Variants in SMIM7 observed in about 807,000 individuals in gnomAD.
SMIM7 encodes small integral membrane protein 7, also known as UPF0608 protein C19orf42.
In SMIM7, 12 loss-of-function variants were observed where a neutral mutation model predicts 13.3. The ratio of observed to expected loss-of-function variants is 0.90; its 90% CI spans 0.58 to 1.46. The LOEUF is 1.46. Among genes scored for constraint, SMIM7 ranks in the 40% most tolerant of loss-of-function variants. SMIM7 has a pLI of 0.00. For missense variants in SMIM7, 114 were observed against 94.8 expected (o/e 1.20, Z -0.84); for synonymous variants, 36 against 35.8 (o/e 1.01, Z -0.02).
chr19:16,654,654 T>C (rs921409600), intron 3 of SMIM7, among the ~76,000 whole-genome samples: 2 of 151,916 alleles, frequency 1.3e-5, no homozygotes, highest in South Asian at 2.1e-4. Flanking sequence ...AGTGTTGAGA[T>C]TACAGGCATG....
intron 3 of SMIM7, among the ~76,000 whole-genome samples, chr19:16,656,491 T>C (rs1395424992): frequency 6.6e-6 from 1 of 151,694 alleles, no homozygotes; most frequent in East Asian, 1.9e-4. Context: ...GGAGGAGAAA[T>C]ACTAAACAAA....
intron 4 of SMIM7, chr19:16,635,154 G>C (rs1001172792): frequency 2.0e-5 from 3 of 151,502 alleles, no homozygotes; most frequent in African/African-American, 7.3e-5. Flanking sequence ...TTGAGGCCAG[G>C]AGTTTGAGAC....
chr19:16,647,048 G>A lies in SMIM7; in HGVS notation c.*198C>T, dbSNP rs2086457492. ...ACAGCATTTCAATTCAGAGACCAAA[G>A]TGAAACTATCTTTGAAAACAGGGAC... On this transcript the variant is annotated 3_prime_UTR_variant, in exon 5 of 5. Coordinates refer to ENST00000487416, the MANE Select transcript of SMIM7 (RefSeq NM_024104.4). 2 of 664,688 alleles carry A rather than the reference G, an allele frequency of 3.0e-6. No homozygotes were observed. 41.2% of individuals were successfully genotyped at this position (664,688 alleles called of 1,614,324 possible). A position where few individuals can be genotyped will look rare whatever the true frequency, so the allele number is the denominator to read the frequency against.
intron 4 of SMIM7, chr19:16,652,834 ACAC>A: frequency 6.5e-7 from 1 of 1,549,768 alleles, no homozygotes; most frequent in Non-Finnish European, 8.7e-7. Context: ...GAGGCCAAGA[ACAC>A]CAGATTCTCC....
chr19:16,633,797 T>A, intron 4 of SMIM7: 1 of 152,194 alleles, frequency 6.6e-6, no homozygotes, highest in Non-Finnish European at 1.5e-5. Context: ...ATAAACTATA[T>A]ACATTGTGAT....
intron 4 of SMIM7, among the ~76,000 whole-genome samples, chr19:16,639,519 G>A (rs1325622923): frequency 6.6e-6 from 1 of 152,158 alleles, no homozygotes; most frequent in Non-Finnish European, 1.5e-5. Flanking sequence ...CAGGCTGAAT[G>A]GTTTCTGTTG....
intron 3 of SMIM7, among the ~76,000 whole-genome samples, chr19:16,657,868 C>CA (rs1244395064): frequency 1.3e-5 from 2 of 151,950 alleles, no homozygotes; most frequent in Non-Finnish European, 2.9e-5. Context: ...CCTATCTCTA[C>CA]AAAAAACATT....
At chr19:16,640,346 CTTCTTT>C (rs778550768) in intron 4 of SMIM7, 9 of 152,068 alleles carry the variant, frequency 5.9e-5, no homozygotes, top group Non-Finnish European at 1.2e-4. Context: ...CCTTTTTATC[CTTCTTT>C]TTCTTTTTAT....
At chr19:16,651,635 G>A (rs2086526482) in intron 4 of SMIM7, among the ~76,000 whole-genome samples, 1 of 152,228 alleles carries the variant, frequency 6.6e-6, no homozygotes, top group Non-Finnish European at 1.5e-5. Flanking sequence ...CAGGTGCACA[G>A]GAAAGACGAG....
intron 4 of SMIM7, chr19:16,652,717 G>A: frequency 6.9e-7 from 1 of 1,438,950 alleles, no homozygotes; most frequent in Non-Finnish European, 9.1e-7. Context: ...CCACTGGGGT[G>A]GCACGCAGAC....
Position 16,646,938 on chromosome 19 carries a change from G to A in SMIM7, c.*308C>T, listed in dbSNP as rs2086456165. The A allele has an allele frequency of 2.2e-6, 1 of 465,052 alleles. No homozygotes were observed. The highest frequency in any genetic ancestry group is 2.0e-5 in the African/African-American group (1 of 50,764). 28.8% of individuals were successfully genotyped at this position (465,052 alleles called of 1,614,324 possible). A position where few individuals can be genotyped will look rare whatever the true frequency, so the allele number is the denominator to read the frequency against. Reference sequence around the variant, plus strand: ...GCCAATCCTTCTGCTCAGATCTCTGGATAGAAATGATTTTTCTTTTATCTA... The same window carrying A: ...GCCAATCCTTCTGCTCAGATCTCTGAATAGAAATGATTTTTCTTTTATCTA... On this transcript the variant is annotated 3_prime_UTR_variant, in exon 5 of 5. Transcript: ENST00000487416.
chr19:16,649,569 T>G (rs375951045), intron 4 of SMIM7, among the ~76,000 whole-genome samples: 3 of 151,850 alleles, frequency 2.0e-5, no homozygotes, highest in East Asian at 3.9e-4. Context: ...CGAGACTCTG[T>G]CTCCAAAAAA....
chr19:16,635,592 AAG>A (rs1293646616), intron 4 of SMIM7, among the ~76,000 whole-genome samples: 1 of 151,994 alleles, frequency 6.6e-6, no homozygotes, highest in Non-Finnish European at 1.5e-5. Context: ...AGGCAACATC[AAG>A]AGAGTAGCCA....
intron 4 of SMIM7, 103 bp from the exon 5 acceptor site, chr19:16,647,364 G>T: frequency 7.5e-7 from 1 of 1,335,386 alleles, no homozygotes; most frequent in South Asian, 1.2e-5. Context: ...TTACTTAGAT[G>T]ATTTTACATG....
At chr19:16,649,903 A>C (rs763731475) in intron 4 of SMIM7, among the ~76,000 whole-genome samples, 1 of 152,138 alleles carries the variant, frequency 6.6e-6, no homozygotes, top group African/African-American at 2.4e-5. Context: ...CCATTTATAT[A>C]AACTGTCCAC....
downstream of SMIM7, among the ~76,000 whole-genome samples, chr19:16,644,109 A>C (rs1290505498): frequency 7.0e-6 from 1 of 143,080 alleles, no homozygotes; most frequent in Non-Finnish European, 1.5e-5. Context: ...CAGGCTGGAA[A>C]TTGTTTGCGT....
intron 3 of SMIM7, 91 bp downstream of exon 3, chr19:16,659,304 A>T: frequency 2.5e-5 from 25 of 1,003,560 alleles, no homozygotes; most frequent in Non-Finnish European, 3.5e-5. Flanking sequence ...AAAAAAAAAA[A>T]GAGAAAGAAA....
chr19:16,658,759 G>A (rs1230231783), intron 3 of SMIM7, among the ~76,000 whole-genome samples: 2 of 152,090 alleles, frequency 1.3e-5, no homozygotes, highest in Non-Finnish European at 2.9e-5. Context: ...ATCGGAGGAC[G>A]GGTACGGCAA....
intron 3 of SMIM7, among the ~76,000 whole-genome samples, chr19:16,657,402 A>G (rs2086609935): frequency 6.6e-6 from 1 of 152,204 alleles, no homozygotes; most frequent in South Asian, 2.1e-4. Context: ...AGGGCCTGGT[A>G]GTGCCTTCCA....
Sources: allele counts gnomAD v4.1 joint callset (sites outside exome capture counted in the v4.1 genomes callset), GRCh38; gene constraint gnomAD v4.1.1; transcripts MANE v1.5; gene names NCBI Gene and HGNC (gene_info 2026-07-23, HGNC 2026-07-21).